DLEU7: variants seen among roughly 807,000 people sequenced by gnomAD.
DLEU7 encodes the protein leukemia-associated protein 7.
In DLEU7, 17 loss-of-function variants were observed where a neutral mutation model predicts 16.0. That is an observed-to-expected ratio of 1.06 (90% CI 0.73 to 1.59). The LOEUF (loss-of-function observed/expected upper bound fraction) is 1.59, where lower values mean the gene tolerates loss of function less well. DLEU7 is among the 40% of genes most tolerant of loss of function. The pLI is 0.00. For missense variants in DLEU7, 308 were observed against 314.9 expected (o/e 0.98, Z 0.17); for synonymous variants, 113 against 139.8 (o/e 0.81, Z 1.35).
intron 1 of DLEU7, among the ~76,000 whole-genome samples, chr13:50,769,492 A>G (rs139353850): frequency 0.018 from 2,742 of 152,300 alleles, 106 homozygotes; most frequent in South Asian, 0.15. Context: ...ATCCAATTTC[A>G]GCTTTCTACA....
chr13:50,797,123 G>A (rs1876128767), intron 1 of DLEU7, among the ~76,000 whole-genome samples: 1 of 152,176 alleles, frequency 6.6e-6, no homozygotes, highest in Non-Finnish European at 1.5e-5. Context: ...TACATTGGAT[G>A]GAGTTGGTTG....
intron 1 of DLEU7, among the ~76,000 whole-genome samples, chr13:50,740,084 T>C (rs1403208380): frequency 6.6e-6 from 1 of 152,170 alleles, no homozygotes; most frequent in East Asian, 1.9e-4. Flanking sequence ...TTTCAAGTTC[T>C]TTTAAGCCTG....
chr13:50,733,500 T>C (rs1873977611), intron 1 of DLEU7, among the ~76,000 whole-genome samples: 1 of 152,190 alleles, frequency 6.6e-6, no homozygotes, highest in Non-Finnish European at 1.5e-5. Flanking sequence ...CAAGTTCTTC[T>C]GGACTCATAA....
At chr13:50,758,594 T>G (rs1388833732) in intron 1 of DLEU7, among the ~76,000 whole-genome samples, 3 of 152,164 alleles carry the variant, frequency 2.0e-5, no homozygotes, top group African/African-American at 7.2e-5. Context: ...CACTGAAGAC[T>G]CCACCGGGGG....
At chr13:50,815,021 TA>T (rs1876688272) in intron 1 of DLEU7, among the ~76,000 whole-genome samples, 1 of 151,910 alleles carries the variant, frequency 6.6e-6, no homozygotes, top group South Asian at 2.1e-4. Context: ...AAATAAAAGG[TA>T]AAAAATGGAG....
chr13:50,802,041 T>C (rs181598086), intron 1 of DLEU7, among the ~76,000 whole-genome samples: 1 of 139,592 alleles, frequency 7.2e-6, no homozygotes, highest in East Asian at 2.2e-4. Flanking sequence ...ATTCTCCTCA[T>C]GGGGGTAGTC....
intron 1 of DLEU7, among the ~76,000 whole-genome samples, chr13:50,808,284 C>T (rs1255152134): frequency 6.6e-6 from 1 of 152,192 alleles, no homozygotes; most frequent in Admixed American, 6.5e-5. Flanking sequence ...TTGGCTATCA[C>T]TATCCAGTGA....
intron 1 of DLEU7, among the ~76,000 whole-genome samples, chr13:50,803,948 A>G (rs1189390591): frequency 3.3e-5 from 5 of 152,128 alleles, no homozygotes. Flanking sequence ...AAACTTTTCC[A>G]TGGTGGGTCC....
intron 1 of DLEU7, among the ~76,000 whole-genome samples, chr13:50,783,732 C>T (rs1369259338): frequency 6.6e-6 from 1 of 152,196 alleles, no homozygotes; most frequent in Non-Finnish European, 1.5e-5. Flanking sequence ...ACAAATTCAA[C>T]ACAAAGTGCT....
chr13:50,830,513 C>G (rs1877228975), intron 1 of DLEU7, among the ~76,000 whole-genome samples: 1 of 152,186 alleles, frequency 6.6e-6, no homozygotes, highest in African/African-American at 2.4e-5. Context: ...GAAGAATAGA[C>G]ATGTATACAA....
intron 1 of DLEU7, among the ~76,000 whole-genome samples, chr13:50,751,908 AT>A (rs34725991): frequency 0.47 from 70,804 of 150,274 alleles, 17,449 homozygotes; most frequent in African/African-American, 0.62. Context: ...TATCTTTTGT[AT>A]TTTTTTTTGT....
rs576269387 is a variant in DLEU7, at chr13:50,837,220, T to A, written c.459+5968A>T. On this transcript the variant is annotated intron_variant, in intron 1 of 1. Coordinates refer to ENST00000504404, the MANE Select transcript of DLEU7 (RefSeq NM_001306135.2). ...TGCATTTGCTTTGGGTACCACACCA[T>A]TTCCAGCTGAAAATCCAGTGAAAAG... Among the ~76,000 whole-genome samples the A allele has an allele frequency of 2.0e-4, 31 of 152,330 alleles. 1 individual carries two copies. The Middle Eastern group carries it at 0.014, about 67-fold the overall frequency.
At chr13:50,759,451 A>G in intron 1 of DLEU7, among the ~76,000 whole-genome samples, 1 of 152,230 alleles carries the variant, frequency 6.6e-6, no homozygotes, top group Non-Finnish European at 1.5e-5. Flanking sequence ...GTGTGGCAGA[A>G]ATAAAGACTT....
chr13:50,787,697 G>A (rs1426463525), intron 1 of DLEU7, among the ~76,000 whole-genome samples: 1 of 151,866 alleles, frequency 6.6e-6, no homozygotes, highest in Non-Finnish European at 1.5e-5. Context: ...ATCCAATCAT[G>A]TCATTCCCCT....
At chr13:50,824,333 A>G (rs1162027140) in intron 1 of DLEU7, among the ~76,000 whole-genome samples, 12 of 152,188 alleles carry the variant, frequency 7.9e-5, no homozygotes, top group Admixed American at 5.9e-4. Context: ...GATAATGCTG[A>G]ATATAAGATC....
chr13:50,786,596 C>T (rs574971600), intron 1 of DLEU7, among the ~76,000 whole-genome samples: 1 of 152,312 alleles, frequency 6.6e-6, no homozygotes, highest in East Asian at 1.9e-4. Flanking sequence ...CAGGACTTCC[C>T]TGGAACCAGA....
rs573898063 is a variant in DLEU7 at position 50,794,099 on chromosome 13, TGTAA to T, written c.459+49085_459+49088del. Reference sequence around the variant, plus strand: ...GACATGGTTTAGTTTTTAAACAACTTGTAAGTATTTGAAATCATCTAGTTGATTT... The same window carrying T: ...GACATGGTTTAGTTTTTAAACAACTTGTATTTGAAATCATCTAGTTGATTT... On this transcript the variant is annotated intron_variant, in intron 1 of 1. Transcript: ENST00000400393. Among the ~76,000 whole-genome samples the T allele has an allele frequency of 6.1e-3, 930 of 152,296 alleles. 3 individuals carry two copies. Among genetic ancestry groups the T allele is most frequent in the Non-Finnish European group, 1.0e-2 (678 of 68,006 alleles).
chr13:50,728,479 A>G (rs1873827043), intron 1 of DLEU7, among the ~76,000 whole-genome samples: 1 of 152,166 alleles, frequency 6.6e-6, no homozygotes, highest in Admixed American at 6.5e-5. Context: ...TAATAAGTGA[A>G]CGTACATTAT....
chr13:50,814,649 G>A (rs1222985202), intron 1 of DLEU7, among the ~76,000 whole-genome samples: 2 of 142,604 alleles, frequency 1.4e-5, no homozygotes, highest in African/African-American at 5.2e-5. Flanking sequence ...TGTGGTGGTA[G>A]TTATACAAAT....
Sources: gnomAD v4.1 joint callset for allele counts (sites outside exome capture counted in the v4.1 genomes callset) on GRCh38, gnomAD v4.1.1 for gene constraint, MANE v1.5 for transcripts, NCBI Gene and HGNC (gene_info 2026-07-23, HGNC 2026-07-21) for gene names.